Variants in ALDH16A1 observed in about 807,000 individuals in gnomAD.
ALDH16A1 encodes the protein aldehyde dehydrogenase family 16 member A1.
ALDH16A1 carries 88 observed loss-of-function variants against 96.1 expected under a neutral mutation model. The observed-to-expected ratio is 0.92, with a 90% CI of 0.77 to 1.09. The LOEUF is 1.09. ALDH16A1 is among the 50% of genes least tolerant of loss of function. The pLI, the probability that ALDH16A1 is intolerant of heterozygous loss-of-function variation, is 0.00. For synonymous variants in ALDH16A1, 522 were observed against 496.4 expected (o/e 1.05, Z -0.69); for missense variants, 1,250 against 1,112.6 (o/e 1.12, Z -1.76).
At chr19:49,470,080 A>G (rs932825430) in intron 16 of ALDH16A1, 1 of 538,670 alleles carries the variant, frequency 1.9e-6, no homozygotes, top group Admixed American at 3.6e-5. Context: ...CTTGGGGCCC[A>G]TTCCTTTCAA....
chr19:49,467,185 G>A (rs948740873), intron 14 of ALDH16A1, among the ~76,000 whole-genome samples: 1 of 152,064 alleles, frequency 6.6e-6, no homozygotes, highest in Non-Finnish European at 1.5e-5. Flanking sequence ...ACATGACTGG[G>A]TGTTTTTGTA....
chr19:49,460,973 T>G, intron 5 of ALDH16A1, 74 bp downstream of exon 5: 1 of 1,496,470 alleles, frequency 6.7e-7, no homozygotes, highest in Non-Finnish European at 9.3e-7. Flanking sequence ...AACTCCAGAG[T>G]CTGAGAGACA....
Position 49,466,070 on chromosome 19 carries a change from G to A in ALDH16A1, c.1737-12G>A. 1.9e-6 allele frequency: 3 copies of A among 1,541,080 alleles called. No individual in the cohort carries two copies. Among genetic ancestry groups the A allele is most frequent in the Non-Finnish European group, 8.7e-7 (1 of 1,146,932 alleles). On this transcript the variant is annotated splice_polypyrimidine_tract_variant and intron_variant, in intron 13 of 16. Coordinates refer to ENST00000293350, the MANE Select transcript of ALDH16A1 (RefSeq NM_153329.4). Reference sequence around the variant, plus strand: ...AGGATGCCAACCCCCACTGTGCGCTGTCTGCCCACAGCTGGGCGGGCCAGT... The same window carrying A: ...AGGATGCCAACCCCCACTGTGCGCTATCTGCCCACAGCTGGGCGGGCCAGT...
Position 49,468,053 on chromosome 19 carries a change from AG to A in ALDH16A1, c.1939-326del, listed in dbSNP as rs1240054915. On this transcript the variant is annotated intron_variant, in intron 14 of 16. Transcript: ENST00000293350. This position sits in a 1 kb window ranked among gnomAD's most constrained non-coding sequence, Gnocchi z 4.4. Reference sequence around the variant, plus strand: ...CAGGTGCCTGTAGTCTCAGCTACTCAGGAGACTGAGGCAGGAGAATGGCGTG... The same window carrying A: ...CAGGTGCCTGTAGTCTCAGCTACTCAGAGACTGAGGCAGGAGAATGGCGTG... Among the ~76,000 whole-genome samples, 1 of 151,064 alleles carries A rather than the reference AG, an allele frequency of 6.6e-6. No individual in the cohort carries two copies. The highest frequency in any genetic ancestry group is 1.5e-5 in the Non-Finnish European group (1 of 67,810).
Position 49,466,065 on chromosome 19 carries a change from G to C in ALDH16A1, c.1737-17G>C. 6.5e-7 allele frequency: 1 copy of C among 1,540,450 alleles called. No homozygotes were observed. The highest frequency in any genetic ancestry group is 8.7e-7 in the Non-Finnish European group (1 of 1,146,694). On this transcript the variant is annotated splice_polypyrimidine_tract_variant and intron_variant, in intron 13 of 16. Transcript: ENST00000293350. ...AGACCAGGATGCCAACCCCCACTGT[G>C]CGCTGTCTGCCCACAGCTGGGCGGG...
intron 1 of ALDH16A1, among the ~76,000 whole-genome samples, chr19:49,455,698 C>T (rs767931940): frequency 4.9e-4 from 74 of 152,206 alleles, no homozygotes; most frequent in Admixed American, 7.9e-4. Flanking sequence ...GAGTTTGAGA[C>T]CAGCCTGGGC....
rs545508693 is a variant in ALDH16A1, at chr19:49,459,067, C to T, written c.301C>T (p.Arg101Trp). ...CTGGAGTGCGCACCCCGGCGTCGTC[C>T]GGGCCCAGCACCTGACCAGGTGATG... ...KGWSAHPGVV[R>W]AQHLTRLAEV... The change falls in exon 3 of 17, where the codon CGG becomes TGG. Residue 101 changes from arginine (R) to tryptophan (W), a missense_variant. By Grantham distance (101) the Arg-to-Trp change is moderately radical. Coordinates refer to ENST00000293350, the MANE Select transcript of ALDH16A1 (RefSeq NM_153329.4). The surrounding 1 kb of genome is among the most constrained non-coding windows in gnomAD (Gnocchi z 4.1). 14 of 1,612,834 alleles carry T rather than the reference C, an allele frequency of 8.7e-6. No individual in the cohort carries two copies. The highest frequency in any genetic ancestry group is 1.6e-4 in the Middle Eastern group (1 of 6,070).
Position 49,468,475 on chromosome 19 carries a change from T to C in ALDH16A1, c.2033T>C (p.Val678Ala), listed in dbSNP as rs2079218060. 6.2e-7 allele frequency: 1 copy of C among 1,602,652 alleles called. No individual in the cohort carries two copies. The highest frequency in any genetic ancestry group is 1.1e-5 in the South Asian group (1 of 91,068). Residue 678 changes from valine (V) to alanine (A), a missense_variant, in exon 15 of 17, where the codon GTG (valine) becomes GCG (alanine). Transcript: ENST00000293350. This position sits in a 1 kb window ranked among gnomAD's most constrained non-coding sequence, Gnocchi z 4.4. ...CPDEWPLLAF[V>A]SLLAPALAYG... Reference sequence around the variant, plus strand: ...GACGAGTGGCCCCTGCTTGCCTTCGTGTCCCTGCTGGCTCCCGCCCTGGCC... The same window carrying C: ...GACGAGTGGCCCCTGCTTGCCTTCGCGTCCCTGCTGGCTCCCGCCCTGGCC...
chr19:49,455,339 C>T (rs2079098927), intron 1 of ALDH16A1, among the ~76,000 whole-genome samples: 1 of 151,694 alleles, frequency 6.6e-6, no homozygotes, highest in South Asian at 2.1e-4. Flanking sequence ...TCGCTTGAAC[C>T]CAGGAGGTGG....
Position 49,468,405 on chromosome 19 carries a change from C to T in ALDH16A1, c.1963C>T (p.Leu655=). 1.2e-6 allele frequency: 2 copies of T among 1,600,032 alleles called. No individual in the cohort carries two copies. Among genetic ancestry groups the T allele is most frequent in the Non-Finnish European group, 8.5e-7 (1 of 1,179,772 alleles). ...LQVAGLRGPV[L]RLREPLGVLA... ...GGTAGCCGGGCTGAGAGGCCCTGTG[C>T]TGCGCCTGCGGGAGCCGCTGGGTGT... The change falls in exon 15 of 17, where the codon CTG becomes TTG. Residue 655 remains leucine (L), a synonymous_variant. Transcript: ENST00000293350. This position sits in a 1 kb window ranked among gnomAD's most constrained non-coding sequence, Gnocchi z 4.4.
Position 49,465,869 on chromosome 19 carries a change from G to A in ALDH16A1, c.1700G>A (p.Arg567Gln), listed in dbSNP as rs530812077. The change falls in exon 13 of 17, where the codon CGA becomes CAA. Residue 567 changes from arginine to glutamine, a missense_variant. Transcript: ENST00000293350. Reference protein sequence around the residue: ...YVAEGGAKDIRGAVEAAHQAF... With the variant: ...YVAEGGAKDIQGAVEAAHQAF... Reference sequence around the variant, plus strand: ...GCTGAGGGTGGAGCCAAGGACATCCGAGGTGCTGTGGAGGCCGCTCACCAG... The same window carrying A: ...GCTGAGGGTGGAGCCAAGGACATCCAAGGTGCTGTGGAGGCCGCTCACCAG... The A allele has an allele frequency of 1.5e-5, 25 of 1,614,080 alleles. No homozygotes were observed. Among genetic ancestry groups the A allele is most frequent in the African/African-American group, 9.3e-5 (7 of 75,058 alleles).
chr19:49,466,620 C>A (rs982889577), intron 14 of ALDH16A1, among the ~76,000 whole-genome samples: 3 of 151,730 alleles, frequency 2.0e-5, no homozygotes, highest in African/African-American at 7.3e-5. Context: ...CAGTACTTCG[C>A]GAGGCTGAGG....
rs1380427803 is a variant in ALDH16A1, at chr19:49,468,383, A to G, written c.1941A>G (p.Val647=). 6.3e-7 allele frequency: 1 copy of G among 1,598,386 alleles called. No individual in the cohort carries two copies. The highest frequency in any genetic ancestry group is 8.5e-7 in the Non-Finnish European group (1 of 1,179,406). ...RVQAQGHTLQ[V]AGLRGPVLRL... Reference sequence around the variant, plus strand: ...ACGTGACCCACCTGTCCCTGCAGGTAGCCGGGCTGAGAGGCCCTGTGCTGC... The same window carrying G: ...ACGTGACCCACCTGTCCCTGCAGGTGGCCGGGCTGAGAGGCCCTGTGCTGC... The change falls in exon 15 of 17, where the codon GTA becomes GTG. Residue 647 remains valine (V), a splice_region_variant and synonymous_variant. Coordinates refer to ENST00000293350, the MANE Select transcript of ALDH16A1 (RefSeq NM_153329.4). The surrounding 1 kb of genome is among the most constrained non-coding windows in gnomAD (Gnocchi z 4.4).
Position 49,465,746 on chromosome 19 carries a change from C to A in ALDH16A1, c.1577C>A (p.Pro526His), listed in dbSNP as rs2079191979. The A allele has an allele frequency of 6.2e-7, 1 of 1,613,104 alleles. No individual in the cohort carries two copies. The highest frequency in any genetic ancestry group is 2.2e-5 in the East Asian group (1 of 44,872). ...AGPEIGPSPA[P>H]PYGLFVGGRF... ...GTCCCACCCTACTCCAGCCCAGCAC[C>A]CCCCTATGGGCTCTTCGTTGGGGGC... The change falls in exon 13 of 17, where the codon CCC (proline) becomes CAC (histidine). Residue 526 changes from proline (P) to histidine (H), a missense_variant. By Grantham distance (77) the Pro-to-His change is moderately conservative. Coordinates refer to ENST00000293350, the MANE Select transcript of ALDH16A1 (RefSeq NM_153329.4).
chr19:49,461,033 C>A, intron 5 of ALDH16A1, 134 bp downstream of exon 5: 1 of 947,306 alleles, frequency 1.1e-6, no homozygotes, highest in Non-Finnish European at 1.7e-6. Flanking sequence ...GGAGGAGGGG[C>A]TGCGGGTCTG....
rs749157752 is a variant in ALDH16A1, at chr19:49,462,765, G to T, written c.1098+10G>T. The T allele has an allele frequency of 1.3e-6, 2 of 1,560,054 alleles. No homozygotes were observed. The highest frequency in any genetic ancestry group is 1.4e-5 in the African/African-American group (1 of 72,002). ...GAGCCAGGGTGCACAGGTGAGGCAGGGGGTAGAGACTTGAGGGTGTCAGGG... is the reference window on the plus strand; with the variant it reads ...GAGCCAGGGTGCACAGGTGAGGCAGTGGGTAGAGACTTGAGGGTGTCAGGG... On this transcript the variant is annotated intron_variant, in intron 8 of 16. Coordinates refer to ENST00000293350, the MANE Select transcript of ALDH16A1 (RefSeq NM_153329.4).
In ALDH16A1 at chr19:49,459,178, T is replaced by G; in HGVS notation, c.320+92T>G. The G allele has an allele frequency of 1.3e-6, 2 of 1,516,512 alleles. No homozygotes were observed. The highest frequency in any genetic ancestry group is 2.0e-5 in the Admixed American group (1 of 49,498). 93.9% of individuals were successfully genotyped at this position (1,516,512 alleles called of 1,614,324 possible). A position where few individuals can be genotyped will look rare whatever the true frequency, so the allele number is the denominator to read the frequency against. On this transcript the variant is annotated intron_variant, in intron 3 of 16. Coordinates refer to ENST00000293350, the MANE Select transcript of ALDH16A1 (RefSeq NM_153329.4). The surrounding 1 kb of genome is among the most constrained non-coding windows in gnomAD (Gnocchi z 4.1). The stretch of plus-strand genomic sequence containing the variant: ...CAAAGGCTATTTCCCAAGATCCCAC[T>G]GAATTAATTTGCAGCTAAGGCTCAG...
rs936012724 is a variant in ALDH16A1 at position 49,459,029 on chromosome 19, T to G, written c.263T>G (p.Met88Arg). ...DVAAAVEAAR[M>R]AFKGWSAHPG... is the part of the protein sequence containing the mutation. ...GCTGCAGCCGTGGAGGCAGCCAGGA[T>G]GGCATTTAAGGGCTGGAGTGCGCAC... Residue 88 changes from methionine to arginine, a missense_variant, in exon 3 of 17, where the codon ATG becomes AGG. Transcript: ENST00000293350. This position sits in a 1 kb window ranked among gnomAD's most constrained non-coding sequence, Gnocchi z 4.1. 2 of 1,613,434 alleles carry G rather than the reference T, an allele frequency of 1.2e-6. No homozygotes were observed. The highest frequency in any genetic ancestry group is 1.7e-6 in the Non-Finnish European group (2 of 1,180,032).
At position 49,458,991 on chromosome 19, in the gene ALDH16A1, G is replaced by A; in HGVS notation, c.225G>A (p.Gln75=). The change falls in exon 3 of 17, where the codon CAG becomes CAA. Residue 75 remains glutamine, a synonymous_variant. Coordinates refer to ENST00000293350, the MANE Select transcript of ALDH16A1 (RefSeq NM_153329.4). The part of the protein sequence containing the change: ...GENLASCLQA[Q]AEDVAAAVEA... The stretch of plus-strand genomic sequence containing the variant: ...ACTTGGCCAGTTGCCTGCAGGCACA[G>A]GCCGAGGATGTGGCTGCAGCCGTGG... 6.2e-7 allele frequency: 1 copy of A among 1,613,610 alleles called. No individual in the cohort carries two copies. Among genetic ancestry groups the A allele is most frequent in the South Asian group, 1.1e-5 (1 of 91,078 alleles).
Sources: allele counts gnomAD v4.1 joint callset (sites outside exome capture counted in the v4.1 genomes callset), GRCh38; gene constraint gnomAD v4.1.1; non-coding constraint Gnocchi (gnomAD v3.1); transcripts MANE v1.5; gene names NCBI Gene and HGNC (gene_info 2026-07-23, HGNC 2026-07-21).